Variants in NETO2 observed in about 807,000 individuals in gnomAD.
The protein encoded by NETO2 is neuropilin and tolloid-like protein 2.
NETO2 carries 28 observed loss-of-function variants against 62.5 expected under a neutral mutation model. The ratio of observed to expected loss-of-function variants is 0.45; its 90% CI spans 0.33 to 0.61. The LOEUF is 0.61. NETO2 is among the 20% of genes least tolerant of loss of function. The pLI is 0.02. For missense variants in NETO2, 548 were observed against 643.2 expected (o/e 0.85, Z 1.60); for synonymous variants, 214 against 219.1 (o/e 0.98, Z 0.21).
rs1484779721 is a variant in NETO2, at chr16:47,143,940, T to G, written c.-328A>C. 1.2e-5 allele frequency: 2 copies of G among 164,542 alleles called. No individual in the cohort carries two copies. The highest frequency in any genetic ancestry group is 3.4e-4 in the East Asian group (2 of 5,876). The allele number at this position is 164,542 out of a possible 1,614,324, so 10.2% of individuals were successfully genotyped here. Reference sequence around the variant, plus strand: ...CCCGCGGCCCCGGCGCGGGATCCACTGAAGTGGCGGGCGCGGGGCGCCCAG... The same window carrying G: ...CCCGCGGCCCCGGCGCGGGATCCACGGAAGTGGCGGGCGCGGGGCGCCCAG... On this transcript the variant is annotated 5_prime_UTR_variant, in exon 1 of 9. Transcript: ENST00000562435.
rs771958975 is a variant in NETO2, at chr16:47,109,714, G to A, written c.655-3C>T. 1.3e-6 allele frequency: 2 copies of A among 1,586,892 alleles called. No individual in the cohort carries two copies. Among genetic ancestry groups the A allele is most frequent in the East Asian group, 2.2e-5 (1 of 44,732 alleles). Reference sequence around the variant, plus strand: ...TAATCTAGGAACCTCAAATAAATCTGTAATATTAACACAAAAACACTGCTT... The same window carrying A: ...TAATCTAGGAACCTCAAATAAATCTATAATATTAACACAAAAACACTGCTT... On this transcript the variant is annotated splice_polypyrimidine_tract_variant and splice_region_variant and intron_variant, in intron 6 of 8. Transcript: ENST00000562435.
intron 6 of NETO2, among the ~76,000 whole-genome samples, chr16:47,117,076 A>T (rs540064190): frequency 3.9e-5 from 6 of 152,244 alleles, no homozygotes. Context: ...TCTTATCTAA[A>T]TAACTTCCTT....
chr16:47,111,763 G>A (rs778704692), intron 6 of NETO2, among the ~76,000 whole-genome samples: 4 of 152,158 alleles, frequency 2.6e-5, no homozygotes, highest in South Asian at 2.1e-4. Context: ...TCTAGACTTA[G>A]GTGAGACGTA....
In NETO2 at chr16:47,128,632, T is replaced by C. The variant is rs1400911909; in HGVS notation, c.233-59A>G. 1.9e-6 allele frequency: 3 copies of C among 1,549,174 alleles called. No individual in the cohort carries two copies. In the Admixed American group the frequency reaches 5.6e-5, roughly 29 times the overall value. ...CAAACAAGAAAGAATATAAATGTAT[T>C]GACACAAATGAGAAAAGCAGAATAA... is the stretch of plus-strand genomic sequence containing the variant. On this transcript the variant is annotated intron_variant, in intron 3 of 8. Coordinates refer to ENST00000562435, the MANE Select transcript of NETO2 (RefSeq NM_018092.5).
At chr16:47,114,121 CAG>C (rs933875924) in intron 6 of NETO2, among the ~76,000 whole-genome samples, 1 of 152,166 alleles carries the variant, frequency 6.6e-6, no homozygotes, top group African/African-American at 2.4e-5. Flanking sequence ...AGGACTGTAT[CAG>C]AGTTTCAGCT....
Position 47,086,329 on chromosome 16 carries a change from T to A in NETO2, c.894A>T (p.Thr298=), listed in dbSNP as rs1300283281. 1 of 1,612,568 alleles carries A rather than the reference T, an allele frequency of 6.2e-7. No individual in the cohort carries two copies. Among genetic ancestry groups the A allele is most frequent in the Non-Finnish European group, 8.5e-7 (1 of 1,178,824 alleles). ...LFTSFVEPPC[T]SSTFFCHSNM... ...TGCTATGGCAAAAGAAAGTGCTGCT[T>A]GTGCAGGGAGCTGCAGGAAGAGAAA... The change falls in exon 8 of 9, where the codon ACA becomes ACT. Residue 298 remains threonine, a synonymous_variant. Coordinates refer to ENST00000562435, the MANE Select transcript of NETO2 (RefSeq NM_018092.5).
chr16:47,143,259 A>C (rs758547467), intron 1 of NETO2, among the ~76,000 whole-genome samples: 1 of 152,026 alleles, frequency 6.6e-6, no homozygotes, highest in Non-Finnish European at 1.5e-5. Context: ...ATTCTACGGA[A>C]GCGGCGCGAG....
At position 47,083,403 on chromosome 16, in the gene NETO2, C is replaced by G; in HGVS notation, c.1396G>C (p.Ala466Pro). ...AATGTTTTCATTGGCTGTGGTTGTG[C>G]AAAGTCATTTCGGAAAGGAAGTTCC... ...SMELPFRNDF[A>P]QPQPMKTFNS... is the part of the protein sequence containing the mutation. The change falls in exon 9 of 9, where the codon GCA (alanine) becomes CCA (proline). Residue 466 changes from alanine to proline, a missense_variant. By Grantham distance (27) the Ala-to-Pro change is conservative (BLOSUM62 -1). Coordinates refer to ENST00000562435, the MANE Select transcript of NETO2 (RefSeq NM_018092.5). The G allele has an allele frequency of 6.2e-7, 1 of 1,614,156 alleles. No homozygotes were observed. The highest frequency in any genetic ancestry group is 1.7e-5 in the Admixed American group (1 of 60,026).
At chr16:47,128,264 G>A in intron 4 of NETO2, 61 bp downstream of exon 4, 2 of 1,538,696 alleles carry the variant, frequency 1.3e-6, no homozygotes, top group Non-Finnish European at 1.7e-6. Context: ...CTAACCTTAA[G>A]ATTCTAAAAT....
intron 7 of NETO2, among the ~76,000 whole-genome samples, chr16:47,087,760 G>A (rs1412340953): frequency 2.0e-5 from 3 of 151,754 alleles, no homozygotes; most frequent in Non-Finnish European, 4.4e-5. Flanking sequence ...TCTTTGTGGC[G>A]GCCACCTACT....
intron 1 of NETO2, among the ~76,000 whole-genome samples, chr16:47,141,460 TAA>T (rs796841662): frequency 1.4e-5 from 2 of 142,544 alleles, no homozygotes; most frequent in Admixed American, 7.0e-5. Flanking sequence ...ATGCGTTTGG[TAA>T]AAAAAAAAAA....
chr16:47,142,299 T>G (rs763784251), intron 1 of NETO2, among the ~76,000 whole-genome samples: 1 of 152,220 alleles, frequency 6.6e-6, no homozygotes, highest in African/African-American at 2.4e-5. Flanking sequence ...TAGAAAGTCC[T>G]AGGTTACCTT....
At chr16:47,099,155 C>T (rs935138904) in intron 7 of NETO2, among the ~76,000 whole-genome samples, 2 of 152,120 alleles carry the variant, frequency 1.3e-5, no homozygotes, top group Non-Finnish European at 1.5e-5. Flanking sequence ...CCACTGCGCC[C>T]AGCCTCAACA....
chr16:47,114,651 C>T lies in NETO2; in HGVS notation c.655-4940G>A, dbSNP rs554015335. The stretch of plus-strand genomic sequence containing the variant: ...ATTTTTAGTAGAGACGGGGTTTTAC[C>T]GTGTTAGCCAGGATGGCCTCGATTT... On this transcript the variant is annotated intron_variant, in intron 6 of 8. Transcript: ENST00000562435. 5.9e-5 allele frequency among the ~76,000 whole-genome samples: 9 copies of T among 151,412 alleles called. No homozygotes were observed. In the East Asian group the frequency reaches 1.6e-3, roughly 26 times the overall value.
rs374788395 is a variant in NETO2, at chr16:47,109,719, A to G, written c.655-8T>C. 1.0e-4 allele frequency: 160 copies of G among 1,568,756 alleles called. No individual in the cohort carries two copies. The highest frequency in any genetic ancestry group is 1.7e-4 in the Middle Eastern group (1 of 5,990). ...TAGGAACCTCAAATAAATCTGTAAT[A>G]TTAACACAAAAACACTGCTTTTAAA... On this transcript the variant is annotated splice_polypyrimidine_tract_variant and splice_region_variant and intron_variant, in intron 6 of 8. Coordinates refer to ENST00000562435, the MANE Select transcript of NETO2 (RefSeq NM_018092.5).
intron 2 of NETO2, among the ~76,000 whole-genome samples, chr16:47,129,792 A>C (rs981951136): frequency 2.6e-5 from 4 of 152,228 alleles, no homozygotes; most frequent in Admixed American, 1.3e-4. Context: ...CTGTAGACTA[A>C]ATACATGCAC....
chr16:47,122,756 A>G lies in NETO2; in HGVS notation c.555T>C (p.Asp185=). The G allele has an allele frequency of 4.3e-6, 7 of 1,614,098 alleles. No homozygotes were observed. The highest frequency in any genetic ancestry group is 5.9e-6 in the Non-Finnish European group (7 of 1,180,006). The change falls in exon 6 of 9, where the codon GAT becomes GAC. Residue 185 remains aspartate, a synonymous_variant. Transcript: ENST00000562435. ...CTACCTGACTAGAGCGCACTATTCC[A>G]TCAGCTCCCGAGAGCTCGAACTGAC... is the stretch of plus-strand genomic sequence containing the variant. ...PDCQFELSGA[D]GIVRSSQVEQ...
Position 47,109,489 on chromosome 16 carries a change from C to A in NETO2, c.877G>T (p.Val293Leu), listed in dbSNP as rs779851539. ...SRFRMLFTSF[V>L]EPPCTSSTFF... ...ATAGGAATTATTTACTTACGCTCCA[C>A]AAAGGAAGTAAAGAGCATTCGAAAC... Residue 293 changes from valine (V) to leucine (L), a missense_variant, in exon 7 of 9, where the codon GTG (valine) becomes TTG (leucine). Transcript: ENST00000562435. The A allele has an allele frequency of 2.7e-5, 44 of 1,611,360 alleles. No individual in the cohort carries two copies. Among genetic ancestry groups the A allele is most frequent in the Non-Finnish European group, 3.6e-5 (42 of 1,177,694 alleles).
intron 6 of NETO2, among the ~76,000 whole-genome samples, chr16:47,113,818 C>A (rs1310278277): frequency 6.6e-6 from 1 of 152,028 alleles, no homozygotes; most frequent in African/African-American, 2.4e-5. Context: ...CTCTTGAACT[C>A]CTGACCTCAA....
Sources: allele counts gnomAD v4.1 joint callset (sites outside exome capture counted in the v4.1 genomes callset), GRCh38; gene constraint gnomAD v4.1.1; transcripts MANE v1.5; gene names NCBI Gene and HGNC (gene_info 2026-07-23, HGNC 2026-07-21).